The following CENPA variants were observed in gnomAD, a reference collection of about 807,000 sequenced individuals.
CENPA encodes the protein centromere protein A, also known as histone H3-like centromeric protein A.
CENPA carries 7 observed loss-of-function variants against 17.2 expected under a neutral mutation model. The observed-to-expected ratio is 0.41, with a 90% CI of 0.23 to 0.76. CENPA has a LOEUF of 0.76. Ranked by LOEUF, CENPA falls within the 30% of genes least tolerant of loss-of-function variation. The pLI, the probability that CENPA is intolerant of heterozygous loss-of-function variation, is 0.34. For missense variants in CENPA, 149 were observed against 193.1 expected, an observed-to-expected ratio of 0.77 and a Z score of 1.35; for synonymous variants, 82 against 77.4, an observed-to-expected ratio of 1.06 and a Z score of -0.31.
chr2:26,790,010 AG>A (rs1664586141), intron 1 of CENPA, among the ~76,000 whole-genome samples: 1 of 152,222 alleles, frequency 6.6e-6, no homozygotes, highest in African/African-American at 2.4e-5. Context: ...TTCAAGACCC[AG>A]CTACTAAATT....
chr2:26,786,487 A>AG (rs1664510500), intron 1 of CENPA, among the ~76,000 whole-genome samples, 191 bp downstream of exon 1: 1 of 152,254 alleles, frequency 6.6e-6, no homozygotes. Context: ...GAAAGCGGGA[A>AG]GGGACCGGCT....
chr2:26,791,193 C>G (rs1419179298), intron 1 of CENPA, among the ~76,000 whole-genome samples: 3 of 152,098 alleles, frequency 2.0e-5, no homozygotes, highest in Admixed American at 6.6e-5. Flanking sequence ...GCTCAGATAC[C>G]TTTTAGTGTT....
At position 26,786,068 on chromosome 2, in the gene CENPA, A is replaced by C; in HGVS notation, c.-129A>C. 8.0e-7 allele frequency: 1 copy of C among 1,247,606 alleles called. No individual in the cohort carries two copies. The highest frequency in any genetic ancestry group is 2.6e-5 in the South Asian group (1 of 38,338). The allele number at this position is 1,247,606 out of a possible 1,614,324, so 77.3% of individuals were successfully genotyped here. A position where few individuals can be genotyped will look rare whatever the true frequency, so the allele number is the denominator to read the frequency against. ...ACGCGAGCGGCGCGGACTTCTGCCA[A>C]GCACCGGCTCATGTGAGGCTCGCGG... On this transcript the variant is annotated 5_prime_UTR_variant, in exon 1 of 5. Coordinates refer to ENST00000335756, the MANE Select transcript of CENPA (RefSeq NM_001809.4).
At chr2:26,792,667 A>C (rs866397302) in intron 2 of CENPA, 89 bp from the exon 3 acceptor site, 2 of 1,116,478 alleles carry the variant, frequency 1.8e-6, no homozygotes, top group South Asian at 2.5e-5. Context: ...AGGAAGATTC[A>C]CTGGAACTCA....
Position 26,786,281 on chromosome 2 carries a change from C to G in CENPA, c.85C>G (p.Arg29Gly), listed in dbSNP as rs1353654410. 2 of 1,341,008 alleles carry G rather than the reference C, an allele frequency of 1.5e-6. No homozygotes were observed. The highest frequency in any genetic ancestry group is 1.9e-6 in the Non-Finnish European group (2 of 1,051,258). The allele number at this position is 1,341,008 out of a possible 1,614,324, so 83.1% of individuals were successfully genotyped here. ...GACCCCGACCCCCGGCCCCTCCCGG[C>G]GGGGCCCCTCCTTAGGTAACCGGCC... is the stretch of plus-strand genomic sequence containing the variant. ...SPTPTPGPSR[R>G]GPSLGASSHQ... Residue 29 changes from arginine to glycine, a missense_variant, in exon 1 of 5, where the codon CGG (arginine) becomes GGG (glycine). Coordinates refer to ENST00000335756, the MANE Select transcript of CENPA (RefSeq NM_001809.4).
chr2:26,786,266 C>T lies in CENPA; in HGVS notation c.70C>T (p.Pro24Ser). The T allele has an allele frequency of 7.4e-7, 1 of 1,348,018 alleles. No homozygotes were observed. Among genetic ancestry groups the T allele is most frequent in the East Asian group, 3.1e-5 (1 of 32,338 alleles). The allele number at this position is 1,348,018 out of a possible 1,614,324, so 83.5% of individuals were successfully genotyped here. The change falls in exon 1 of 5, where the codon CCC becomes TCC. Residue 24 changes from proline to serine, a missense_variant. Transcript: ENST00000335756. ...RRRSPSPTPT[P>S]GPSRRGPSLG... ...GCGCAGCCCGAGCCCGACCCCGACC[C>T]CCGGCCCCTCCCGGCGGGGCCCCTC...
intron 1 of CENPA, among the ~76,000 whole-genome samples, chr2:26,786,871 T>A (rs1361979811): frequency 6.6e-6 from 1 of 152,190 alleles, no homozygotes; most frequent in Non-Finnish European, 1.5e-5. Flanking sequence ...CTGCTCACTC[T>A]GTTGCCTTCC....
At chr2:26,792,582 G>A in intron 2 of CENPA, 174 bp from the exon 3 acceptor site, 1 of 726,948 alleles carries the variant, frequency 1.4e-6, no homozygotes. Context: ...AGATCCGCCA[G>A]TTCCTAAGCT....
At chr2:26,793,017 T>C in intron 3 of CENPA, 128 bp from the exon 4 acceptor site, 1 of 1,374,490 alleles carries the variant, frequency 7.3e-7, no homozygotes, top group Non-Finnish European at 1.0e-6. Context: ...CTGGCAAAGT[T>C]CAGTCTCATT....
In CENPA at chr2:26,792,406, T is replaced by C. The variant is rs1558299192; in HGVS notation, c.210+166T>C. 4.3e-6 allele frequency: 3 copies of C among 698,306 alleles called. No homozygotes were observed. The East Asian group carries it at 8.1e-5, about 19-fold the overall frequency. The allele number at this position is 698,306 out of a possible 1,614,324, so 43.3% of individuals were successfully genotyped here. ...ACATGAGCCCTCCAAGAGCACCTTGTAATTCTTTATGGAATTGATTTCTAA... is the reference window on the plus strand; with the variant it reads ...ACATGAGCCCTCCAAGAGCACCTTGCAATTCTTTATGGAATTGATTTCTAA... On this transcript the variant is annotated intron_variant, in intron 2 of 4. Transcript: ENST00000335756.
In CENPA at chr2:26,792,176, A is replaced by C. The variant is rs373697581; in HGVS notation, c.146A>C (p.Lys49Thr). 5 of 1,613,954 alleles carry C rather than the reference A, an allele frequency of 3.1e-6. No homozygotes were observed. In the African/African-American group the frequency reaches 6.7e-5, roughly 22 times the overall value. The change falls in exon 2 of 5, where the codon AAG becomes ACG. Residue 49 changes from lysine to threonine, a missense_variant. This residue lies in a region of CENPA where 95 missense variants were observed against 87.5 expected (regional missense o/e 1.09). Transcript: ENST00000335756. ...QHSRRRQGWL[K>T]EIRKLQKSTH... is the part of the protein sequence containing the mutation. ...AGTCGGCGGAGACAAGGTTGGCTAA[A>C]GGAGATCCGAAAGCTTCAGAAGAGC... is the stretch of plus-strand genomic sequence containing the variant.
chr2:26,792,876 A>G, intron 3 of CENPA, 43 bp downstream of exon 3: 1 of 1,554,562 alleles, frequency 6.4e-7, no homozygotes, highest in Non-Finnish European at 8.9e-7. Flanking sequence ...GCTGAGTGGG[A>G]GAAAGAGGCA....
At chr2:26,786,341 C>T (rs1664508275) in intron 1 of CENPA, 45 bp downstream of exon 1, 5 of 1,285,964 alleles carry the variant, frequency 3.9e-6, no homozygotes, top group Non-Finnish European at 4.9e-6. Flanking sequence ...AACCGAGGCT[C>T]GCAGGCGGAG....
chr2:26,788,845 T>C (rs1055407941), intron 1 of CENPA, among the ~76,000 whole-genome samples: 2 of 152,136 alleles, frequency 1.3e-5, no homozygotes, highest in Non-Finnish European at 2.9e-5. Context: ...CCGGCTAATT[T>C]TGTGTTTTTA....
At chr2:26,786,436 G>C in intron 1 of CENPA, 140 bp downstream of exon 1, 1 of 1,169,208 alleles carries the variant, frequency 8.6e-7, no homozygotes, top group South Asian at 3.2e-5. Flanking sequence ...CTCCGGGCAC[G>C]GGCGGTGCCA....
intron 1 of CENPA, among the ~76,000 whole-genome samples, chr2:26,789,817 C>T (rs916646513): frequency 7.2e-6 from 1 of 138,526 alleles, no homozygotes; most frequent in Non-Finnish European, 1.7e-5. Flanking sequence ...GTCCAAGCTA[C>T]CAGCAGCTCT....
Position 26,786,255 on chromosome 2 carries a change from C to T in CENPA, c.59C>T (p.Pro20Leu). ...GCCCCGAGGAGGCGCAGCCCGAGCC[C>T]GACCCCGACCCCCGGCCCCTCCCGG... is the stretch of plus-strand genomic sequence containing the variant. ...PEAPRRRSPS[P>L]TPTPGPSRRG... is the part of the protein sequence containing the mutation. The change falls in exon 1 of 5, where the codon CCG (proline) becomes CTG (leucine). Residue 20 changes from proline to leucine, a missense_variant. Physicochemically the swap from Pro to Leu is moderately conservative, Grantham distance 98. Coordinates refer to ENST00000335756, the MANE Select transcript of CENPA (RefSeq NM_001809.4). 7.3e-7 allele frequency: 1 copy of T among 1,366,558 alleles called. No homozygotes were observed. Among genetic ancestry groups the T allele is most frequent in the Admixed American group, 3.9e-5 (1 of 25,798 alleles). 84.7% of individuals were successfully genotyped at this position (1,366,558 alleles called of 1,614,324 possible). A position where few individuals can be genotyped will look rare whatever the true frequency, so the allele number is the denominator to read the frequency against.
chr2:26,792,858 G>T (rs1175281166), intron 3 of CENPA, 25 bp downstream of exon 3: 1 of 1,606,052 alleles, frequency 6.2e-7, no homozygotes. Flanking sequence ...AGGCACAATT[G>T]GGTGAGGGCT....
chr2:26,786,249 C>G lies in CENPA; in HGVS notation c.53C>G (p.Pro18Arg), dbSNP rs1306090227. ...RKPEAPRRRS[P>R]SPTPTPGPSR... ...CCCGAGGCCCCGAGGAGGCGCAGCC[C>G]GAGCCCGACCCCGACCCCCGGCCCC... Residue 18 changes from proline to arginine, a missense_variant, in exon 1 of 5, where the codon CCG becomes CGG. Pro to Arg is a moderately radical substitution (Grantham distance 103). Around this residue, in one of 2 missense-constraint regions of CENPA, gnomAD observed 95 missense variants for 87.5 expected, o/e 1.09. Transcript: ENST00000335756. 10 of 1,387,506 alleles carry G rather than the reference C, an allele frequency of 7.2e-6. No homozygotes were observed. The Admixed American group carries it at 1.4e-4, about 20-fold the overall frequency. 85.9% of individuals were successfully genotyped at this position (1,387,506 alleles called of 1,614,324 possible). A position where few individuals can be genotyped will look rare whatever the true frequency, so the allele number is the denominator to read the frequency against.
Sources: gnomAD v4.1 joint callset for allele counts (sites outside exome capture counted in the v4.1 genomes callset) on GRCh38, gnomAD v4.1.1 for gene constraint, gnomAD v4.1.1 regional missense constraint, MANE v1.5 for transcripts, NCBI Gene and HGNC (gene_info 2026-07-23, HGNC 2026-07-21) for gene names.